PLAG1: variants seen among roughly 807,000 people sequenced by gnomAD.
The protein encoded by PLAG1 is zinc finger protein PLAG1.
PLAG1 carries 7 observed loss-of-function variants against 35.5 expected under a neutral mutation model. That is an observed-to-expected ratio of 0.20 (90% CI 0.11 to 0.37). The LOEUF is 0.37. Among genes scored for constraint, PLAG1 ranks in the 10% least tolerant of loss-of-function variants. The pLI is 1.00. For synonymous variants in PLAG1, 229 were observed against 225.4 expected (o/e 1.02, Z -0.14); for missense variants, 454 against 602.8 (o/e 0.75, Z 2.58).
rs1413442913 is a variant in PLAG1, at chr8:56,162,933, A to G, written c.*3310T>C. ...ACACTAAATGAAATAAAAAAGTTGCACACAGAGTGATGCATAATCAGCCAG... is the reference window on the plus strand; with the variant it reads ...ACACTAAATGAAATAAAAAAGTTGCGCACAGAGTGATGCATAATCAGCCAG... On this transcript the variant is annotated 3_prime_UTR_variant, in exon 5 of 5. Coordinates refer to ENST00000316981, the MANE Select transcript of PLAG1 (RefSeq NM_002655.3). 4.6e-6 allele frequency: 1 copy of G among 215,704 alleles called. No individual in the cohort carries two copies. The highest frequency in any genetic ancestry group is 9.4e-6 in the Non-Finnish European group (1 of 106,678). The allele number at this position is 215,704 out of a possible 1,614,324, so 13.4% of individuals were successfully genotyped here.
chr8:56,208,472 G>A (rs1221541437), intron 1 of PLAG1, among the ~76,000 whole-genome samples: 1 of 152,148 alleles, frequency 6.6e-6, no homozygotes, highest in East Asian at 1.9e-4. Context: ...TTGTATAGAG[G>A]TATTTACAGA....
chr8:56,181,336 G>A (rs1318160127), intron 1 of PLAG1, among the ~76,000 whole-genome samples: 2 of 152,170 alleles, frequency 1.3e-5, no homozygotes, highest in African/African-American at 4.8e-5. Flanking sequence ...ATCAATGATA[G>A]ACTGGATTAA....
chr8:56,190,918 G>A (rs1812163312), intron 1 of PLAG1, among the ~76,000 whole-genome samples: 1 of 152,154 alleles, frequency 6.6e-6, no homozygotes, highest in Non-Finnish European at 1.5e-5. Flanking sequence ...TGAACTAAAG[G>A]GGTAAGAACA....
chr8:56,170,930 T>A (rs1811506095), intron 3 of PLAG1, among the ~76,000 whole-genome samples, 161 bp downstream of exon 3: 1 of 152,236 alleles, frequency 6.6e-6, no homozygotes, highest in South Asian at 2.1e-4. Flanking sequence ...TATTTTAGTA[T>A]ATTACAAAAC....
chr8:56,201,271 T>C (rs1450171403), intron 1 of PLAG1, among the ~76,000 whole-genome samples: 7 of 152,226 alleles, frequency 4.6e-5, no homozygotes, highest in East Asian at 3.8e-4. Flanking sequence ...TAGAATTACA[T>C]TGTTTAATGA....
chr8:56,166,764 G>A lies in PLAG1; in HGVS notation c.982C>T (p.His328Tyr). 6.2e-7 allele frequency: 1 copy of A among 1,614,100 alleles called. No homozygotes were observed. Among genetic ancestry groups the A allele is most frequent in the Non-Finnish European group, 8.5e-7 (1 of 1,179,966 alleles). The change falls in exon 5 of 5, where the codon CAC (histidine) becomes TAC (tyrosine). Residue 328 changes from histidine to tyrosine, a missense_variant. By Grantham distance (83) the His-to-Tyr change is moderately conservative. This residue lies in a region of PLAG1 where 271 missense variants were observed against 315.6 expected (regional missense o/e 0.86). Transcript: ENST00000316981. ...PIDMDTVHPS[H>Y]HLSFKYPFSS... The stretch of plus-strand genomic sequence containing the variant: ...AACGGATATTTGAAAGAAAGGTGGT[G>A]AGAGGGATGAACAGTGTCCATATCT...
Position 56,163,026 on chromosome 8 carries a change from G to A in PLAG1, c.*3217C>T, listed in dbSNP as rs964899892. 5 of 206,912 alleles carry A rather than the reference G, an allele frequency of 2.4e-5. No homozygotes were observed. Among genetic ancestry groups the A allele is most frequent in the Admixed American group, 1.8e-4 (3 of 16,808 alleles). 12.8% of individuals were successfully genotyped at this position (206,912 alleles called of 1,614,324 possible). ...TAAAATGAAAGTTTTAACAGTGATC[G>A]ATAACTATAAAGGTACTTGTATACA... On this transcript the variant is annotated 3_prime_UTR_variant, in exon 5 of 5. Coordinates refer to ENST00000316981, the MANE Select transcript of PLAG1 (RefSeq NM_002655.3).
chr8:56,190,831 G>A (rs1362354230), intron 1 of PLAG1, among the ~76,000 whole-genome samples: 2 of 152,068 alleles, frequency 1.3e-5, no homozygotes, highest in East Asian at 3.9e-4. Flanking sequence ...CACAGGGGGA[G>A]GACACAGTAA....
At chr8:56,200,485 G>A (rs1255240433) in intron 1 of PLAG1, among the ~76,000 whole-genome samples, 1 of 152,114 alleles carries the variant, frequency 6.6e-6, no homozygotes, top group Non-Finnish European at 1.5e-5. Context: ...ACATCCATGG[G>A]GTCAGTTTAT....
intron 3 of PLAG1, among the ~76,000 whole-genome samples, chr8:56,170,470 G>A (rs1056736562): frequency 4.6e-5 from 7 of 152,130 alleles, no homozygotes; most frequent in African/African-American, 1.7e-4. Context: ...TACCAAGGCA[G>A]GAAACAAACC....
chr8:56,182,241 G>A (rs938360725), intron 1 of PLAG1, among the ~76,000 whole-genome samples: 11 of 152,166 alleles, frequency 7.2e-5, no homozygotes, highest in Admixed American at 6.5e-5. Context: ...CCAAAGCGGA[G>A]ATGAAAACCA....
chr8:56,197,087 T>C (rs982573171), intron 1 of PLAG1, among the ~76,000 whole-genome samples: 2 of 151,970 alleles, frequency 1.3e-5, no homozygotes, highest in African/African-American at 4.8e-5. Context: ...TGGGGGTCTG[T>C]CTCTCTCTTC....
intron 2 of PLAG1, among the ~76,000 whole-genome samples, chr8:56,178,247 T>C (rs1418324669): frequency 2.0e-5 from 3 of 152,058 alleles, no homozygotes; most frequent in African/African-American, 7.2e-5. Flanking sequence ...ATTACAGATA[T>C]AGGAGAATAA....
rs1018877481 is a variant in PLAG1 at position 56,161,740 on chromosome 8, C to T, written c.*4503G>A. The T allele has an allele frequency of 2.6e-5, 6 of 228,326 alleles. No homozygotes were observed. Among genetic ancestry groups the T allele is most frequent in the Admixed American group, 5.7e-5 (1 of 17,604 alleles). 14.1% of individuals were successfully genotyped at this position (228,326 alleles called of 1,614,324 possible). On this transcript the variant is annotated 3_prime_UTR_variant, in exon 5 of 5. Coordinates refer to ENST00000316981, the MANE Select transcript of PLAG1 (RefSeq NM_002655.3). ...TCCTTTTTCTATGGATAAAAAAATACGACTGAATGAGACAGAGAAGTTTGT... is the reference window on the plus strand; with the variant it reads ...TCCTTTTTCTATGGATAAAAAAATATGACTGAATGAGACAGAGAAGTTTGT...
At chr8:56,176,643 A>C (rs892691242) in intron 2 of PLAG1, among the ~76,000 whole-genome samples, 11 of 151,878 alleles carry the variant, frequency 7.2e-5, no homozygotes, top group Non-Finnish European at 1.3e-4. Flanking sequence ...TCAATACTCT[A>C]TTTTTAGATA....
At chr8:56,169,302 G>C (rs552942550) in intron 3 of PLAG1, among the ~76,000 whole-genome samples, 1 of 152,098 alleles carries the variant, frequency 6.6e-6, no homozygotes, top group Non-Finnish European at 1.5e-5. Flanking sequence ...AGGTGTTTAA[G>C]GTTGGTAAAA....
Position 56,166,027 on chromosome 8 carries a change from G to T in PLAG1, c.*216C>A. 3.1e-6 allele frequency: 1 copy of T among 325,144 alleles called. No individual in the cohort carries two copies. Among genetic ancestry groups the T allele is most frequent in the Non-Finnish European group, 5.6e-6 (1 of 177,874 alleles). The allele number at this position is 325,144 out of a possible 1,614,324, so 20.1% of individuals were successfully genotyped here. ...GTCTTAAAATGTGACAATTGGCAGT[G>T]AATCAGGACAAAATACCCAGGTAAA... On this transcript the variant is annotated 3_prime_UTR_variant, in exon 5 of 5. Transcript: ENST00000316981.
intron 1 of PLAG1, among the ~76,000 whole-genome samples, chr8:56,210,792 GGAA>G (rs1812872662): frequency 6.6e-6 from 1 of 151,146 alleles, no homozygotes; most frequent in Non-Finnish European, 1.5e-5. Flanking sequence ...AGGAGGAGGA[GGAA>G]AACTTTTCAA....
In PLAG1 at chr8:56,165,071, T is replaced by G. The variant is rs1305237915; in HGVS notation, c.*1172A>C. The G allele has an allele frequency of 4.8e-6, 1 of 206,876 alleles. No individual in the cohort carries two copies. The highest frequency in any genetic ancestry group is 9.9e-6 in the Non-Finnish European group (1 of 101,298). 12.8% of individuals were successfully genotyped at this position (206,876 alleles called of 1,614,324 possible). A position where few individuals can be genotyped will look rare whatever the true frequency, so the allele number is the denominator to read the frequency against. ...TCGGAGTAGGACTGTTGTTTTTGTT[T>G]TCTGCTTTTGATTCTTAAGGGAAAG... On this transcript the variant is annotated 3_prime_UTR_variant, in exon 5 of 5. Transcript: ENST00000316981.
Sources: allele counts gnomAD v4.1 joint callset (sites outside exome capture counted in the v4.1 genomes callset), GRCh38; gene constraint gnomAD v4.1.1; regional missense constraint gnomAD v4.1.1; transcripts MANE v1.5; gene names NCBI Gene and HGNC (gene_info 2026-07-23, HGNC 2026-07-21).